The following LNX1 variants were observed in gnomAD, a reference collection of about 807,000 sequenced individuals.
LNX1 encodes the protein E3 ubiquitin-protein ligase LNX.
In LNX1, 54 loss-of-function variants were observed where a neutral mutation model predicts 68.4. The ratio of observed to expected loss-of-function variants is 0.79; its 90% CI spans 0.63 to 0.99. LNX1 has a LOEUF of 0.99. Ranked by LOEUF, LNX1 falls within the 50% of genes least tolerant of loss-of-function variation. The pLI is 0.00. For missense variants in LNX1, 906 were observed against 926.4 expected (o/e 0.98, Z 0.29); for synonymous variants, 336 against 350.0 (o/e 0.96, Z 0.45).
chr4:53,542,462 T>C (rs1250061973), intron 2 of LNX1, among the ~76,000 whole-genome samples: 1 of 152,140 alleles, frequency 6.6e-6, no homozygotes, highest in Non-Finnish European at 1.5e-5. Flanking sequence ...AGCCCAGCCA[T>C]GGGAAGGTGT....
intron 2 of LNX1, among the ~76,000 whole-genome samples, chr4:53,567,526 G>A (rs1023748498): frequency 7.7e-4 from 117 of 152,160 alleles, no homozygotes; most frequent in Non-Finnish European, 1.4e-3. Flanking sequence ...AGCACTAAGT[G>A]CCCACAAGAG....
intron 1 of LNX1, among the ~76,000 whole-genome samples, chr4:53,633,129 T>TA (rs1240571057): frequency 6.6e-6 from 1 of 152,234 alleles, no homozygotes; most frequent in African/African-American, 2.4e-5. Flanking sequence ...TATGATCCTC[T>TA]ATTGCCCTCT....
At chr4:53,566,687 A>G (rs1027895375) in intron 2 of LNX1, among the ~76,000 whole-genome samples, 2 of 152,062 alleles carry the variant, frequency 1.3e-5, no homozygotes, top group African/African-American at 2.4e-5. Flanking sequence ...TGCTCCAACT[A>G]AAAGACACAG....
At chr4:53,527,046 G>GC (rs1727660167) in intron 2 of LNX1, among the ~76,000 whole-genome samples, 2 of 53,332 alleles carry the variant, frequency 3.8e-5, no homozygotes, top group Admixed American at 3.0e-4. Context: ...ACTCTTCCCT[G>GC]CCCCTAAAAA....
intron 2 of LNX1, among the ~76,000 whole-genome samples, chr4:53,568,665 A>G (rs1255434307): frequency 6.6e-6 from 1 of 151,612 alleles, no homozygotes; most frequent in African/African-American, 2.4e-5. Context: ...TGGCCAGGGC[A>G]ATTAGGCAGG....
intron 1 of LNX1, among the ~76,000 whole-genome samples, chr4:53,636,955 C>T (rs1734503191): frequency 6.6e-6 from 1 of 151,226 alleles, no homozygotes; most frequent in Non-Finnish European, 1.5e-5. Context: ...CCCTCCCTCC[C>T]CAAGAAAGCA....
At chr4:53,575,277 C>T (rs2109784015) in intron 1 of LNX1, among the ~76,000 whole-genome samples, 1 of 152,346 alleles carries the variant, frequency 6.6e-6, no homozygotes, top group Non-Finnish European at 1.5e-5. Flanking sequence ...CCCCCATGCC[C>T]AGCCTAGATA....
At chr4:53,495,913 G>T in intron 6 of LNX1, 110 bp downstream of exon 6, 1 of 1,267,892 alleles carries the variant, frequency 7.9e-7, no homozygotes, top group Non-Finnish European at 1.1e-6. Flanking sequence ...TTGAAAGGGA[G>T]GCACTGCATG....
At chr4:53,566,457 T>C (rs902743583) in intron 2 of LNX1, among the ~76,000 whole-genome samples, 13 of 151,614 alleles carry the variant, frequency 8.6e-5, no homozygotes, top group African/African-American at 2.4e-4. Flanking sequence ...CTGAGAGATT[T>C]TGTCACCACC....
intron 2 of LNX1, among the ~76,000 whole-genome samples, chr4:53,543,672 T>C (rs1223424468): frequency 6.6e-6 from 1 of 152,156 alleles, no homozygotes; most frequent in Admixed American, 6.5e-5. Context: ...ACTATTTTTA[T>C]TAATAGAAAT....
intron 1 of LNX1, among the ~76,000 whole-genome samples, chr4:53,626,676 T>A (rs1440862286): frequency 6.6e-6 from 1 of 152,174 alleles, no homozygotes; most frequent in African/African-American, 2.4e-5. Context: ...GTTATTTCTT[T>A]ACGTTGCTCT....
At chr4:53,521,321 G>A (rs2109575667) in intron 2 of LNX1, among the ~76,000 whole-genome samples, 1 of 152,244 alleles carries the variant, frequency 6.6e-6, no homozygotes, top group South Asian at 2.1e-4. Flanking sequence ...TGTGGGGGAA[G>A]GTGAAAATCA....
chr4:53,632,086 T>C (rs1734299879), intron 1 of LNX1, among the ~76,000 whole-genome samples: 1 of 152,028 alleles, frequency 6.6e-6, no homozygotes, highest in African/African-American at 2.4e-5. Context: ...AGGTGGGTCA[T>C]TGAAGGGAGC....
chr4:53,543,916 CA>C (rs1258351036), intron 2 of LNX1, among the ~76,000 whole-genome samples: 1 of 151,838 alleles, frequency 6.6e-6, no homozygotes, highest in African/African-American at 2.4e-5. Context: ...AACAAAAAAA[CA>C]AAACAATAAA....
chr4:53,596,822 T>C (rs1732775578), intron 2 of LNX1, among the ~76,000 whole-genome samples: 1 of 152,188 alleles, frequency 6.6e-6, no homozygotes, highest in Non-Finnish European at 1.5e-5. Context: ...TCTACTTCTA[T>C]TGAGTCACCC....
At chr4:53,525,966 ACT>A (rs1727581523) in intron 2 of LNX1, among the ~76,000 whole-genome samples, 1 of 152,138 alleles carries the variant, frequency 6.6e-6, no homozygotes, top group Non-Finnish European at 1.5e-5. Flanking sequence ...TGCAAATTGG[ACT>A]CTGCAAATTT....
Position 53,459,516 on chromosome 4 carries a change from G to A in LNX1, c.*1391C>T. ...ATACTATAAATCTTGTTATTTTTCT[G>A]GATAATGTTTAAGAAATTTACCTTA... On this transcript the variant is annotated 3_prime_UTR_variant, in exon 11 of 11. Coordinates refer to ENST00000263925, the MANE Select transcript of LNX1 (RefSeq NM_001126328.3). 1 of 1,598,412 alleles carries A rather than the reference G, an allele frequency of 6.3e-7. No individual in the cohort carries two copies. Among genetic ancestry groups the A allele is most frequent in the Non-Finnish European group, 8.5e-7 (1 of 1,169,944 alleles).
intron 2 of LNX1, among the ~76,000 whole-genome samples, chr4:53,565,149 G>T (rs1298251469): frequency 6.6e-6 from 1 of 152,128 alleles, no homozygotes; most frequent in East Asian, 1.9e-4. Context: ...GCCCACCACA[G>T]CTCAGGGAGG....
chr4:53,599,885 T>C (rs1256361270), intron 2 of LNX1, among the ~76,000 whole-genome samples: 9 of 152,192 alleles, frequency 5.9e-5, no homozygotes, highest in African/African-American at 9.7e-5. Flanking sequence ...TCAGATATGG[T>C]CTCAGTTTCG....
Sources: gnomAD v4.1 joint callset for allele counts (sites outside exome capture counted in the v4.1 genomes callset) on GRCh38, gnomAD v4.1.1 for gene constraint, MANE v1.5 for transcripts, NCBI Gene and HGNC (gene_info 2026-07-23, HGNC 2026-07-21) for gene names.